The following RPAP3 variants were observed in gnomAD, a reference collection of about 807,000 sequenced individuals.
RPAP3 encodes the protein RNA polymerase II-associated protein 3.
Under a neutral mutation model 88.8 loss-of-function variants are expected in RPAP3, and 58 were observed. The observed-to-expected ratio is 0.65, with a 90% CI of 0.53 to 0.81. RPAP3 has a LOEUF of 0.81. Among genes scored for constraint, RPAP3 ranks in the 40% least tolerant of loss-of-function variants. The probability of loss-of-function intolerance (pLI) is 0.00; values close to 1 mark genes in which losing one functional copy is unlikely to be tolerated. For missense variants in RPAP3, 751 were observed against 764.3 expected, an observed-to-expected ratio of 0.98 and a Z score of 0.20; for synonymous variants, 255 against 259.9, an observed-to-expected ratio of 0.98 and a Z score of 0.18.
At chr12:47,697,013 A>G (rs973085135) in intron 4 of RPAP3, among the ~76,000 whole-genome samples, 7 of 152,198 alleles carry the variant, frequency 4.6e-5, no homozygotes, top group African/African-American at 1.7e-4. Flanking sequence ...CCAGCATTAT[A>G]CTCCTTATTG....
In RPAP3 at chr12:47,679,524, G is replaced by T; in HGVS notation, c.1256C>A (p.Pro419His). The change falls in exon 12 of 17, where the codon CCC (proline) becomes CAC (histidine). Residue 419 changes from proline to histidine, a missense_variant. Pro to His is a moderately conservative substitution (Grantham distance 77). Transcript: ENST00000005386. Reference sequence around the variant, plus strand: ...TCCAGGATGCGGTGGATTATCAATGGGTTTTACCACATTTTGTCTTTGTGT... The same window carrying T: ...TCCAGGATGCGGTGGATTATCAATGTGTTTTACCACATTTTGTCTTTGTGT... Reference protein sequence around the residue: ...DSTQRQNVVKPIDNPPHPGST... With the variant: ...DSTQRQNVVKHIDNPPHPGST... 6.2e-7 allele frequency: 1 copy of T among 1,604,554 alleles called. No individual in the cohort carries two copies. Among genetic ancestry groups the T allele is most frequent in the South Asian group, 1.1e-5 (1 of 88,936 alleles).
chr12:47,704,727 G>A (rs1432036378), intron 1 of RPAP3, among the ~76,000 whole-genome samples: 6 of 151,710 alleles, frequency 4.0e-5, no homozygotes, highest in African/African-American at 1.5e-4. Flanking sequence ...AAGGCCAACC[G>A]CAGGTGGCTC....
At chr12:47,679,619 A>G in intron 11 of RPAP3, 25 bp from the exon 12 acceptor site, 2 of 1,537,280 alleles carry the variant, frequency 1.3e-6, no homozygotes, top group South Asian at 1.2e-5. Context: ...TATAACCCTA[A>G]CTTTCAAAAT....
intron 5 of RPAP3, among the ~76,000 whole-genome samples, chr12:47,691,103 T>C (rs189534415): frequency 1.8e-4 from 27 of 152,380 alleles, no homozygotes; most frequent in Non-Finnish European, 3.2e-4. Flanking sequence ...GTGGTGGTGG[T>C]AGCATGTGAT....
chr12:47,692,596 T>C (rs1233053), intron 5 of RPAP3, among the ~76,000 whole-genome samples: 20,273 of 152,236 alleles, frequency 0.13, 1,690 homozygotes, highest in East Asian at 0.37. Flanking sequence ...GTGGCTGGTT[T>C]GATCTTCTAT....
intron 9 of RPAP3, among the ~76,000 whole-genome samples, chr12:47,684,566 ATACAAG>A (rs1356476991): frequency 1.3e-5 from 2 of 152,378 alleles, no homozygotes; most frequent in African/African-American, 4.8e-5. Flanking sequence ...CTAGGAAAAG[ATACAAG>A]TAAGAGTCAT....
chr12:47,668,395 G>T (rs765345180), intron 14 of RPAP3, among the ~76,000 whole-genome samples: 2 of 152,092 alleles, frequency 1.3e-5, no homozygotes, highest in Non-Finnish European at 2.9e-5. Context: ...GGCTCTCAAA[G>T]AGCAATAAAT....
chr12:47,665,438 C>T (rs995935648), intron 16 of RPAP3, among the ~76,000 whole-genome samples: 20 of 151,086 alleles, frequency 1.3e-4, no homozygotes, highest in Non-Finnish European at 2.9e-4. Flanking sequence ...ATATTAAAAG[C>T]TATATAAAAC....
Position 47,679,573 on chromosome 12 carries a change from A to C in RPAP3, c.1207T>G (p.Trp403Gly). ...GTGGAATCAAGAAAGACATCATCCC[A>C]GTGTCCTTTCTCAATTAATTCCTTG... The part of the protein sequence containing the change: ...IKKELIEKGH[W>G]DDVFLDSTQR... Residue 403 changes from tryptophan to glycine, a missense_variant, in exon 12 of 17, where the codon TGG (tryptophan) becomes GGG (glycine). By Grantham distance (184) the Trp-to-Gly change is radical. Coordinates refer to ENST00000005386, the MANE Select transcript of RPAP3 (RefSeq NM_024604.3). 1 of 1,603,654 alleles carries C rather than the reference A, an allele frequency of 6.2e-7. No individual in the cohort carries two copies. The highest frequency in any genetic ancestry group is 8.5e-7 in the Non-Finnish European group (1 of 1,173,874).
chr12:47,670,946 G>A (rs969544644), intron 12 of RPAP3, among the ~76,000 whole-genome samples: 2 of 152,200 alleles, frequency 1.3e-5, no homozygotes, highest in African/African-American at 2.4e-5. Context: ...GTATGGGATA[G>A]ACTATCATTA....
intron 12 of RPAP3, among the ~76,000 whole-genome samples, chr12:47,676,792 A>G (rs1939125178): frequency 6.6e-6 from 1 of 152,212 alleles, no homozygotes; most frequent in African/African-American, 2.4e-5. Flanking sequence ...ACGGATTCAC[A>G]GCTGAATTCT....
At chr12:47,688,263 G>A (rs1939363895) in intron 7 of RPAP3, among the ~76,000 whole-genome samples, 1 of 152,056 alleles carries the variant, frequency 6.6e-6, no homozygotes, top group Admixed American at 6.6e-5. Context: ...ACTTATAAGT[G>A]GGAGGTAAAC....
intron 3 of RPAP3, among the ~76,000 whole-genome samples, chr12:47,700,827 A>T (rs906968323): frequency 3.3e-5 from 5 of 152,244 alleles, no homozygotes; most frequent in Admixed American, 2.0e-4. Context: ...AAGACTAGAC[A>T]CAAAGGCATT....
At chr12:47,680,573 T>C (rs1939203681) in intron 10 of RPAP3, among the ~76,000 whole-genome samples, 1 of 151,888 alleles carries the variant, frequency 6.6e-6, no homozygotes, top group South Asian at 2.1e-4. Flanking sequence ...AAATCAATTA[T>C]CTAAGTACTG....
intron 5 of RPAP3, among the ~76,000 whole-genome samples, chr12:47,693,854 G>A (rs865857461): frequency 3.0e-4 from 45 of 152,150 alleles, no homozygotes; most frequent in South Asian, 1.0e-3. Flanking sequence ...AGACCAACAA[G>A]AGACAAACAA....
At chr12:47,672,892 T>C (rs749511888) in intron 12 of RPAP3, among the ~76,000 whole-genome samples, 3 of 152,232 alleles carry the variant, frequency 2.0e-5, no homozygotes, top group Non-Finnish European at 2.9e-5. Context: ...ATATTAGTCA[T>C]GGGATATTAC....
chr12:47,695,327 C>T (rs1304307215), intron 5 of RPAP3, among the ~76,000 whole-genome samples: 1 of 152,076 alleles, frequency 6.6e-6, no homozygotes, highest in Non-Finnish European at 1.5e-5. Flanking sequence ...AAACTACACA[C>T]AGTATGATAT....
Position 47,687,938 on chromosome 12 carries a change from C to T in RPAP3, c.802G>A (p.Gly268Arg), listed in dbSNP as rs1339566430. Reference sequence around the variant, plus strand: ...TGTGCTTCAATTTGCTTTCGCTCTCCTTCTGTTGACTTAATCACTATGTCA... The same window carrying T: ...TGTGCTTCAATTTGCTTTCGCTCTCTTTCTGTTGACTTAATCACTATGTCA... ...EADIVIKSTE[G>R]ERKQIEAQQN... Residue 268 changes from glycine (G) to arginine (R), a missense_variant, in exon 8 of 17, where the codon GGA becomes AGA. Gly to Arg is a moderately radical substitution (Grantham distance 125, BLOSUM62 -2). Coordinates refer to ENST00000005386, the MANE Select transcript of RPAP3 (RefSeq NM_024604.3). 1 of 1,613,684 alleles carries T rather than the reference C, an allele frequency of 6.2e-7. No homozygotes were observed. The highest frequency in any genetic ancestry group is 1.7e-5 in the Admixed American group (1 of 59,992).
chr12:47,668,726 T>C (rs1938933571), intron 14 of RPAP3, among the ~76,000 whole-genome samples, 190 bp downstream of exon 14: 1 of 152,224 alleles, frequency 6.6e-6, no homozygotes, highest in Non-Finnish European at 1.5e-5. Flanking sequence ...ACATAGAATC[T>C]ATTGCCAAAG....
Sources: allele counts gnomAD v4.1 joint callset (sites outside exome capture counted in the v4.1 genomes callset), GRCh38; gene constraint gnomAD v4.1.1; transcripts MANE v1.5; gene names NCBI Gene and HGNC (gene_info 2026-07-23, HGNC 2026-07-21).